Variants in RLIM observed in about 807,000 individuals in gnomAD.
The protein encoded by RLIM is ring finger protein, LIM domain interacting.
RLIM carries 2 observed loss-of-function variants against 34.0 expected under a neutral mutation model. That is an observed-to-expected ratio of 0.06 (90% CI 0.02 to 0.19). The LOEUF is 0.19. Ranked by LOEUF, RLIM falls within the 10% of genes least tolerant of loss-of-function variation. RLIM has a pLI of 1.00. For missense variants in RLIM, 286 were observed against 479.7 expected, an observed-to-expected ratio of 0.60 and a Z score of 3.77; for synonymous variants, 169 against 164.0, an observed-to-expected ratio of 1.03 and a Z score of -0.23.
chrX:74,589,430 G>T lies in RLIM; in HGVS notation c.*2010C>A, dbSNP rs1041222518. On this transcript the variant is annotated 3_prime_UTR_variant, in exon 4 of 4. Transcript: ENST00000332687. ...AAAAGATAAAATGTATTACATAAGC[G>T]CCATAAACAGTGAAATCTGCTTATA... 9.0e-6 allele frequency: 1 copy of T among 111,082 alleles called. No individual in the cohort carries two copies. Among genetic ancestry groups the T allele is most frequent in the Non-Finnish European group, 1.9e-5 (1 of 53,049 alleles). 9.2% of individuals were successfully genotyped at this position (111,082 alleles called of 1,213,427 possible). A position where few individuals can be genotyped will look rare whatever the true frequency, so the allele number is the denominator to read the frequency against.
rs767880629 is a variant in RLIM at position 74,592,329 on chromosome X, C to T, written c.986G>A (p.Arg329His). The change falls in exon 4 of 4, where the codon CGT becomes CAT. Residue 329 changes from arginine to histidine, a missense_variant. Physicochemically the swap from Arg to His is conservative, Grantham distance 29. Coordinates refer to ENST00000332687, the MANE Select transcript of RLIM (RefSeq NM_016120.4). ...ATCTCTCTGCCGATATTCTCCAGGA[C>T]GAACTCTTCTTACTTGAAGATCAAG... ...IVLDLQVRRV[R>H]PGEYRQRDSI... 5.0e-6 allele frequency: 6 copies of T among 1,209,686 alleles called. No homozygotes were observed. Among genetic ancestry groups the T allele is most frequent in the East Asian group, 3.0e-5 (1 of 33,761 alleles).
chrX:74,600,265 C>T (rs1332218835), intron 1 of RLIM, among the ~76,000 whole-genome samples: 1 of 109,700 alleles, frequency 9.1e-6, no homozygotes, highest in Non-Finnish European at 1.9e-5. Flanking sequence ...AAATAAAACA[C>T]GCACAAAAAA....
chrX:74,588,660 G>T lies in RLIM; in HGVS notation c.*2780C>A, dbSNP rs1425701637. On this transcript the variant is annotated 3_prime_UTR_variant, in exon 4 of 4. Transcript: ENST00000332687. Reference sequence around the variant, plus strand: ...TGAACTCCCAACATTGTTTATCCTTGTTCCTCTTACTGCATGAAGTTCAAA... The same window carrying T: ...TGAACTCCCAACATTGTTTATCCTTTTTCCTCTTACTGCATGAAGTTCAAA... 2 of 111,815 alleles carry T rather than the reference G, an allele frequency of 1.8e-5. No individual in the cohort carries two copies. 9.2% of individuals were successfully genotyped at this position (111,815 alleles called of 1,213,427 possible). A position where few individuals can be genotyped will look rare whatever the true frequency, so the allele number is the denominator to read the frequency against.
intron 1 of RLIM, among the ~76,000 whole-genome samples, chrX:74,600,660 AT>A (rs1192903817): frequency 9.0e-6 from 1 of 110,962 alleles, no homozygotes; most frequent in African/African-American, 3.3e-5. Flanking sequence ...CATGAACCAA[AT>A]AAAAGAGAAA....
In RLIM at chrX:74,591,902, TGAACTGGAACTGGAACTCGAACTG is replaced by T; in HGVS notation, c.1389_1412del (p.Ser469_Ser476del). The stretch of plus-strand genomic sequence containing the variant: ...TGGAACTAGGACTGGAACTGGAACT[TGAACTGGAACTGGAACTCGAACTG>T]GAACTGGAACTCGAACTGGAACCAG... On this transcript the variant is annotated inframe_deletion, in exon 4 of 4. Coordinates refer to ENST00000332687, the MANE Select transcript of RLIM (RefSeq NM_016120.4). The T allele has an allele frequency of 8.3e-7, 1 of 1,199,835 alleles. No individual in the cohort carries two copies. The highest frequency in any genetic ancestry group is 1.1e-6 in the Non-Finnish European group (1 of 889,197).
rs971819249 is a variant in RLIM, at chrX:74,586,558, T to C, written c.*4882A>G. 2 of 112,610 alleles carry C rather than the reference T, an allele frequency of 1.8e-5. No individual in the cohort carries two copies. Among genetic ancestry groups the C allele is most frequent in the Non-Finnish European group, 3.7e-5 (2 of 53,385 alleles). 9.3% of individuals were successfully genotyped at this position (112,610 alleles called of 1,213,427 possible). On this transcript the variant is annotated 3_prime_UTR_variant, in exon 4 of 4. Transcript: ENST00000332687. ...ATTATAAAACCGATACAAACTGTTC[T>C]GTGATTATCACTTGACAGTTCTAAC... is the stretch of plus-strand genomic sequence containing the variant.
Position 74,592,389 on chromosome X carries a change from GATT to G in RLIM, c.923_925del (p.Glu308_Ser309delinsAla). On this transcript the variant is annotated inframe_deletion, in exon 4 of 4. Transcript: ENST00000332687. ...TGGAGGTCTCTGTCCTGATCCTGTAGATTCACCACTGGCAGCTGTGTCTGAAGA... is the reference window on the plus strand; with the variant it reads ...TGGAGGTCTCTGTCCTGATCCTGTAGCACCACTGGCAGCTGTGTCTGAAGA... The G allele has an allele frequency of 4.1e-6, 5 of 1,211,623 alleles. No individual in the cohort carries two copies. The highest frequency in any genetic ancestry group is 5.6e-6 in the Non-Finnish European group (5 of 895,488).
At chrX:74,597,048 C>T (rs1380455317) in intron 1 of RLIM, among the ~76,000 whole-genome samples, 1 of 112,048 alleles carries the variant, frequency 8.9e-6, no homozygotes, top group Non-Finnish European at 1.9e-5. Flanking sequence ...TCCCAATTCA[C>T]AGGAAAACTA....
intron 3 of RLIM, among the ~76,000 whole-genome samples, chrX:74,593,530 G>T (rs978280084): frequency 2.7e-5 from 3 of 112,399 alleles, no homozygotes; most frequent in African/African-American, 9.7e-5. Flanking sequence ...TAAAATACAG[G>T]ACTATTTATT....
At chrX:74,596,517 G>T (rs1569310952) in intron 1 of RLIM, among the ~76,000 whole-genome samples, 1 of 112,278 alleles carries the variant, frequency 8.9e-6, no homozygotes, top group East Asian at 2.8e-4. Context: ...AAAGTGCTGG[G>T]ATTACAGGCA....
At chrX:74,614,336 AT>A (rs1034771369) in intron 1 of RLIM, 85 bp downstream of exon 1, 1 of 112,667 alleles carries the variant, frequency 8.9e-6, no homozygotes, top group African/African-American at 3.2e-5. Flanking sequence ...CACTCGGGCC[AT>A]TTTGAGAGAA....
intron 1 of RLIM, among the ~76,000 whole-genome samples, chrX:74,608,543 A>C (rs1019138613): frequency 8.9e-6 from 1 of 111,935 alleles, no homozygotes; most frequent in African/African-American, 3.2e-5. Flanking sequence ...GGCCTATCAG[A>C]AAATGCTACC....
intron 1 of RLIM, among the ~76,000 whole-genome samples, chrX:74,596,290 G>A (rs2079639643): frequency 8.9e-6 from 1 of 112,617 alleles, no homozygotes; most frequent in East Asian, 2.8e-4. Flanking sequence ...CTCTCAACCA[G>A]GCTAGAGTGT....
chrX:74,600,476 G>A (rs1467199860), intron 1 of RLIM, among the ~76,000 whole-genome samples: 1 of 111,428 alleles, frequency 9.0e-6, no homozygotes, highest in East Asian at 2.8e-4. Context: ...TTTAACTAAT[G>A]TTCTTAATAA....
rs748442598 is a variant in RLIM at position 74,588,236 on chromosome X, G to A, written c.*3204C>T. On this transcript the variant is annotated 3_prime_UTR_variant, in exon 4 of 4. Coordinates refer to ENST00000332687, the MANE Select transcript of RLIM (RefSeq NM_016120.4). ...TGTAATCCCAGCATTTTCGGAGGCCGAGGCAGGCACATCACTTGAGGTCAG... is the reference window on the plus strand; with the variant it reads ...TGTAATCCCAGCATTTTCGGAGGCCAAGGCAGGCACATCACTTGAGGTCAG... The A allele has an allele frequency of 2.7e-5, 3 of 111,793 alleles. No individual in the cohort carries two copies. The highest frequency in any genetic ancestry group is 3.7e-4 in the South Asian group (1 of 2,697). 9.2% of individuals were successfully genotyped at this position (111,793 alleles called of 1,213,427 possible).
chrX:74,587,486 GATT>G lies in RLIM; in HGVS notation c.*3951_*3953del, dbSNP rs996113354. The G allele has an allele frequency of 7.2e-5, 8 of 111,557 alleles. No homozygotes were observed. The highest frequency in any genetic ancestry group is 2.6e-4 in the African/African-American group (8 of 30,734). The allele number at this position is 111,557 out of a possible 1,213,427, so 9.2% of individuals were successfully genotyped here. ...CTTAAAAAAAAAATCAAATAAGGCA[GATT>G]ATAATTTTTTTTGTTCGCAAAAGAA... is the stretch of plus-strand genomic sequence containing the variant. On this transcript the variant is annotated 3_prime_UTR_variant, in exon 4 of 4. Transcript: ENST00000332687.
chrX:74,586,017 C>T lies in RLIM; in HGVS notation c.*5423G>A, dbSNP rs974854715. 2 of 111,837 alleles carry T rather than the reference C, an allele frequency of 1.8e-5. No homozygotes were observed. The highest frequency in any genetic ancestry group is 3.8e-5 in the Non-Finnish European group (2 of 53,235). 9.2% of individuals were successfully genotyped at this position (111,837 alleles called of 1,213,427 possible). A position where few individuals can be genotyped will look rare whatever the true frequency, so the allele number is the denominator to read the frequency against. ...TTCAGAAAGCTTTCCAAGATTGCTGCCCTGTTCTTTGTATGAATCCAAGTA... is the reference window on the plus strand; with the variant it reads ...TTCAGAAAGCTTTCCAAGATTGCTGTCCTGTTCTTTGTATGAATCCAAGTA... On this transcript the variant is annotated 3_prime_UTR_variant, in exon 4 of 4. Transcript: ENST00000332687.
intron 1 of RLIM, among the ~76,000 whole-genome samples, chrX:74,607,472 G>A (rs2079687286): frequency 8.8e-6 from 1 of 113,104 alleles, no homozygotes; most frequent in Non-Finnish European, 1.9e-5. Flanking sequence ...CACTTCGGGA[G>A]GCCGACGCGG....
Position 74,590,374 on chromosome X carries a change from T to C in RLIM, c.*1066A>G, listed in dbSNP as rs1175086289. 8.9e-6 allele frequency: 1 copy of C among 112,082 alleles called. No individual in the cohort carries two copies. 9.2% of individuals were successfully genotyped at this position (112,082 alleles called of 1,213,427 possible). ...GGCTGCTCTCACCATATGAAACCAG[T>C]TTGTGTCTGCATTATTACTGTCTTC... On this transcript the variant is annotated 3_prime_UTR_variant, in exon 4 of 4. Coordinates refer to ENST00000332687, the MANE Select transcript of RLIM (RefSeq NM_016120.4).
Sources: gnomAD v4.1 joint callset for allele counts (sites outside exome capture counted in the v4.1 genomes callset) on GRCh38, gnomAD v4.1.1 for gene constraint, MANE v1.5 for transcripts, NCBI Gene and HGNC (gene_info 2026-07-23, HGNC 2026-07-21) for gene names.